MITF: variants seen among roughly 807,000 people sequenced by gnomAD.
MITF encodes the protein microphthalmia-associated transcription factor.
Under a neutral mutation model 60.5 loss-of-function variants are expected in MITF, and 17 were observed. The observed-to-expected ratio is 0.28, with a 90% CI of 0.19 to 0.42. The LOEUF is 0.42. Ranked by LOEUF, MITF falls within the 10% of genes least tolerant of loss-of-function variation. The probability of loss-of-function intolerance (pLI) is 1.00; values close to 1 mark genes in which losing one functional copy is unlikely to be tolerated. For synonymous variants in MITF, 260 were observed against 248.5 expected, an observed-to-expected ratio of 1.05 and a Z score of -0.43; for missense variants, 622 against 683.5, an observed-to-expected ratio of 0.91 and a Z score of 1.00.
intron 2 of MITF, among the ~76,000 whole-genome samples, chr3:69,903,732 A>G (rs916117300): frequency 1.3e-5 from 2 of 152,126 alleles, no homozygotes; most frequent in African/African-American, 4.8e-5. Context: ...GCTAAAATTC[A>G]CAAACCCAAC....
rs11927380 is a variant in MITF, at chr3:69,796,382, T to A, written c.104+56681T>A. ...AAAAGGGAATCTAATCTGAAAGGAT[T>A]TTTTTTTCTTTTAGTGCCTATGAGG... On this transcript the variant is annotated intron_variant, in intron 1 of 9. Transcript: ENST00000352241. 8.7e-3 allele frequency among the ~76,000 whole-genome samples: 1,328 copies of A among 152,178 alleles called. 18 individuals are homozygous for A. Among genetic ancestry groups the A allele is most frequent in the African/African-American group, 0.029 (1,202 of 41,530 alleles).
chr3:69,932,999 G>A (rs2065756437), intron 2 of MITF, among the ~76,000 whole-genome samples: 1 of 151,930 alleles, frequency 6.6e-6, no homozygotes, highest in Non-Finnish European at 1.5e-5. Context: ...TGATAAATCT[G>A]AACATTTTGT....
intron 1 of MITF, among the ~76,000 whole-genome samples, chr3:69,796,305 G>C (rs1317038737): frequency 6.6e-6 from 1 of 151,842 alleles, no homozygotes; most frequent in Non-Finnish European, 1.5e-5. Flanking sequence ...TGAAGATTGT[G>C]TTTAGTTTGT....
At chr3:69,875,005 T>C (rs1205715642) in intron 1 of MITF, among the ~76,000 whole-genome samples, 1 of 152,150 alleles carries the variant, frequency 6.6e-6, no homozygotes, top group African/African-American at 2.4e-5. Context: ...GGCCATCTGG[T>C]GTCTGTATAC....
intron 2 of MITF, among the ~76,000 whole-genome samples, chr3:69,880,165 C>A (rs893882227): frequency 1.3e-5 from 2 of 152,048 alleles, no homozygotes; most frequent in Non-Finnish European, 2.9e-5. Context: ...TATTTTAGTA[C>A]CTGCTCACCT....
intron 1 of MITF, among the ~76,000 whole-genome samples, chr3:69,798,763 A>C (rs894210531): frequency 6.6e-6 from 1 of 152,204 alleles, no homozygotes; most frequent in South Asian, 2.1e-4. Context: ...CTGAAAATGC[A>C]TTATACTCCT....
rs2066680086 is a variant in MITF at position 69,965,916 on chromosome 3, G to A, written c.*668G>A. 1 of 231,262 alleles carries A rather than the reference G, an allele frequency of 4.3e-6. No individual in the cohort carries two copies. Among genetic ancestry groups the A allele is most frequent in the African/African-American group, 2.2e-5 (1 of 45,206 alleles). The allele number at this position is 231,262 out of a possible 1,614,324, so 14.3% of individuals were successfully genotyped here. On this transcript the variant is annotated 3_prime_UTR_variant, in exon 10 of 10. Transcript: ENST00000352241. ...TTAGACCAAGGCTCTGAAATATAAA[G>A]TCTAATCTTGCTCTCTTTTATTCTG...
At chr3:69,781,196 A>G (rs2062557662) in intron 1 of MITF, among the ~76,000 whole-genome samples, 1 of 152,074 alleles carries the variant, frequency 6.6e-6, no homozygotes, top group African/African-American at 2.4e-5. Context: ...AAATAATACT[A>G]TTAAGTGATA....
chr3:69,928,787 G>A (rs2065650504), intron 2 of MITF, among the ~76,000 whole-genome samples: 3 of 152,146 alleles, frequency 2.0e-5, no homozygotes, highest in Admixed American at 2.0e-4. Context: ...CCTGTGGTTT[G>A]TGTCCATGGA....
chr3:69,928,084 C>G (rs1295421808), intron 2 of MITF, among the ~76,000 whole-genome samples: 1 of 152,092 alleles, frequency 6.6e-6, no homozygotes, highest in Admixed American at 6.6e-5. Flanking sequence ...GGATGTTTTC[C>G]AATAAAACCT....
chr3:69,874,323 C>T (rs1485511854), intron 1 of MITF, among the ~76,000 whole-genome samples: 3 of 152,196 alleles, frequency 2.0e-5, no homozygotes, highest in Non-Finnish European at 4.4e-5. Flanking sequence ...CTTTACAAGA[C>T]ATATCTTCTG....
chr3:69,867,614 A>C (rs914186051), intron 1 of MITF, among the ~76,000 whole-genome samples: 2 of 152,118 alleles, frequency 1.3e-5, no homozygotes, highest in African/African-American at 4.8e-5. Flanking sequence ...AAATGTTATA[A>C]ATTTTTGCCT....
At chr3:69,831,145 C>T (rs571822223) in intron 1 of MITF, among the ~76,000 whole-genome samples, 2 of 152,204 alleles carry the variant, frequency 1.3e-5, no homozygotes, top group South Asian at 2.1e-4. Context: ...ATATTGGTTG[C>T]AATAATGCTG....
intron 1 of MITF, among the ~76,000 whole-genome samples, chr3:69,791,921 T>G (rs537796814): frequency 2.0e-5 from 3 of 152,332 alleles, no homozygotes; most frequent in South Asian, 4.1e-4. Flanking sequence ...AGAGGAGGCC[T>G]TAGTTTCCAA....
Position 69,966,778 on chromosome 3 carries a change from T to A in MITF, c.*1530T>A, listed in dbSNP as rs1288862241. 4.3e-6 allele frequency: 1 copy of A among 232,828 alleles called. No individual in the cohort carries two copies. The highest frequency in any genetic ancestry group is 2.2e-5 in the African/African-American group (1 of 45,318). 14.4% of individuals were successfully genotyped at this position (232,828 alleles called of 1,614,324 possible). ...CAGGCTGTTGAATGGAATTTCTCAG[T>A]AGCAGCCTACAACTGAATAGCAAGT... On this transcript the variant is annotated 3_prime_UTR_variant, in exon 10 of 10. Transcript: ENST00000352241.
chr3:69,780,381 A>C (rs767700842), intron 1 of MITF, among the ~76,000 whole-genome samples: 2 of 152,228 alleles, frequency 1.3e-5, no homozygotes, highest in Non-Finnish European at 2.9e-5. Context: ...AAGAAGATGC[A>C]TGCCAATGAG....
intron 1 of MITF, among the ~76,000 whole-genome samples, chr3:69,810,601 C>G (rs1390265558): frequency 6.6e-6 from 1 of 152,134 alleles, no homozygotes; most frequent in Non-Finnish European, 1.5e-5. Context: ...TCAACATTAT[C>G]TGTGTGATAG....
intron 2 of MITF, among the ~76,000 whole-genome samples, chr3:69,905,925 T>A (rs915131931): frequency 1.3e-5 from 2 of 152,176 alleles, no homozygotes; most frequent in Non-Finnish European, 2.9e-5. Context: ...GTTTGTGGTA[T>A]GTCTTTCCAT....
chr3:69,934,132 T>G (rs973937839), intron 2 of MITF, among the ~76,000 whole-genome samples: 3 of 152,176 alleles, frequency 2.0e-5, no homozygotes, highest in Non-Finnish European at 4.4e-5. Context: ...AACCACATTC[T>G]AGATCAGGGG....
Sources: gnomAD v4.1 joint callset for allele counts (sites outside exome capture counted in the v4.1 genomes callset) on GRCh38, gnomAD v4.1.1 for gene constraint, MANE v1.5 for transcripts, NCBI Gene and HGNC (gene_info 2026-07-23, HGNC 2026-07-21) for gene names.